PVT1: variants seen among roughly 807,000 people sequenced by gnomAD.
The protein encoded by PVT1 is Pvt1 oncogene.
intron 4 of PVT1, among the ~76,000 whole-genome samples, chr8:128,016,551 G>A (rs1817376327): frequency 1.3e-5 from 2 of 152,186 alleles, no homozygotes; most frequent in African/African-American, 4.8e-5. Flanking sequence ...AATGGCTAAT[G>A]CTTACAGCTG....
chr8:127,981,949 T>C (rs1041088433), intron 3 of PVT1, among the ~76,000 whole-genome samples: 1 of 152,230 alleles, frequency 6.6e-6, no homozygotes, highest in Non-Finnish European at 1.5e-5. Context: ...AAATCCTTTT[T>C]TCCTGGGACA....
At chr8:127,897,731 GGAAA>G (rs1191858934) in intron 3 of PVT1, among the ~76,000 whole-genome samples, 3 of 147,620 alleles carry the variant, frequency 2.0e-5, no homozygotes, top group Non-Finnish European at 3.0e-5. Flanking sequence ...GAAGAAAGAA[GGAAA>G]GAAAGATTCA....
chr8:127,907,576 C>T (rs533264943), intron 3 of PVT1, among the ~76,000 whole-genome samples: 4 of 152,224 alleles, frequency 2.6e-5, no homozygotes, highest in East Asian at 3.9e-4. Context: ...GGACAGGGAG[C>T]GGGCGGACAG....
chr8:127,851,404 G>A (rs1302992705), intron 2 of PVT1, among the ~76,000 whole-genome samples: 1 of 152,190 alleles, frequency 6.6e-6, no homozygotes, highest in Non-Finnish European at 1.5e-5. Flanking sequence ...TGACCTGGTT[G>A]TTTAACTCCT....
In PVT1 at chr8:128,066,744, G is replaced by T. The variant is rs568287773; in HGVS notation, n.913-3416G>T. The stretch of plus-strand genomic sequence containing the variant: ...CTTCCTACTTTAACTTTCATAAAAG[G>T]TTCTTACCAGGATCTTTTTCTAGTC... On this transcript the variant is annotated intron_variant and non_coding_transcript_variant, in intron 4 of 10. Coordinates refer to ENST00000651587, the Ensembl canonical transcript of PVT1. Among the ~76,000 whole-genome samples the T allele has an allele frequency of 2.6e-5, 4 of 152,246 alleles. No homozygotes were observed. In the East Asian group the frequency reaches 5.8e-4, roughly 22 times the overall value.
At chr8:127,878,644 G>A (rs1204007505) in intron 2 of PVT1, among the ~76,000 whole-genome samples, 1 of 152,044 alleles carries the variant, frequency 6.6e-6, no homozygotes, top group East Asian at 1.9e-4. Context: ...TACTGGTCTG[G>A]TCTGGTCTAG....
intron 2 of PVT1, among the ~76,000 whole-genome samples, chr8:127,856,044 G>A (rs987666705): frequency 1.3e-5 from 2 of 152,198 alleles, no homozygotes; most frequent in Non-Finnish European, 2.9e-5. Flanking sequence ...TATTTCTTGT[G>A]CCTACATCTT....
At chr8:127,961,840 T>G (rs1190455759) in intron 3 of PVT1, among the ~76,000 whole-genome samples, 1 of 152,240 alleles carries the variant, frequency 6.6e-6, no homozygotes, top group East Asian at 1.9e-4. Flanking sequence ...AGGCCCCCCC[T>G]GCCCGAGTCT....
chr8:127,982,944 G>A (rs1162696558), intron 3 of PVT1, among the ~76,000 whole-genome samples: 1 of 152,202 alleles, frequency 6.6e-6, no homozygotes, highest in Non-Finnish European at 1.5e-5. Context: ...TTGAGCACCT[G>A]TTGTGCACAG....
intron 3 of PVT1, among the ~76,000 whole-genome samples, chr8:127,905,686 A>C (rs1272558742): frequency 6.6e-6 from 1 of 151,960 alleles, no homozygotes; most frequent in African/African-American, 2.4e-5. Context: ...CATGACTTTC[A>C]CCTCATTTCA....
At chr8:127,966,206 G>A (rs1420167732) in intron 3 of PVT1, among the ~76,000 whole-genome samples, 6 of 152,194 alleles carry the variant, frequency 3.9e-5, no homozygotes, top group Admixed American at 2.6e-4. Context: ...TTTTGATCCT[G>A]CCACTGTATG....
chr8:127,834,831 A>T (rs1024039106), intron 2 of PVT1, among the ~76,000 whole-genome samples: 1 of 152,222 alleles, frequency 6.6e-6, no homozygotes, highest in Admixed American at 6.5e-5. Context: ...CAAATGAAAA[A>T]CAGAAAACAA....
At chr8:127,954,454 C>G (rs982849889) in intron 3 of PVT1, among the ~76,000 whole-genome samples, 10 of 152,116 alleles carry the variant, frequency 6.6e-5, no homozygotes, top group African/African-American at 2.4e-4. Flanking sequence ...ACCACCACCC[C>G]CAGCTAATTT....
intron 5 of PVT1, among the ~76,000 whole-genome samples, chr8:128,095,487 C>T (rs1275397381): frequency 2.6e-5 from 4 of 152,198 alleles, no homozygotes; most frequent in Non-Finnish European, 5.9e-5. Flanking sequence ...TAAGTGGTCA[C>T]ATTGCCATTG....
At chr8:127,918,098 T>TTCATCTCTGCTCTCAAAGCCCTGC (rs1244066578) in intron 3 of PVT1, among the ~76,000 whole-genome samples, 22 of 152,232 alleles carry the variant, frequency 1.4e-4, no homozygotes, top group African/African-American at 5.3e-4. Flanking sequence ...AGCGCTGCCT[T>TTCATCTCTGCTCTCAAAGCCCTGC]TCATCTCTGC....
At chr8:127,900,194 A>G (rs1471733756) in intron 3 of PVT1, among the ~76,000 whole-genome samples, 1 of 151,928 alleles carries the variant, frequency 6.6e-6, no homozygotes, top group Non-Finnish European at 1.5e-5. Flanking sequence ...GGCGCGTACC[A>G]CCACACCTGG....
chr8:127,944,521 C>T (rs1816396240), intron 3 of PVT1, among the ~76,000 whole-genome samples: 1 of 151,186 alleles, frequency 6.6e-6, no homozygotes, highest in South Asian at 2.1e-4. Context: ...AATGGGCCCT[C>T]CTTTATTTGA....
rs529342844 is a variant in PVT1, at chr8:127,805,885, CA to C, written n.372+9815del. Among the ~76,000 whole-genome samples, 769 of 152,134 alleles carry C rather than the reference CA, an allele frequency of 5.1e-3. 8 individuals are homozygous for C. The highest frequency in any genetic ancestry group is 0.018 in the African/African-American group (739 of 41,490). ...CTGAGGAATCAGGATTTGAGTGAGA[CA>C]CGAAGACTCAGTAGAAGTTAACCAG... On this transcript the variant is annotated intron_variant and non_coding_transcript_variant, in intron 2 of 10. Transcript: ENST00000651587.
In PVT1 at chr8:127,937,548, G is replaced by GACACACACACAC. The variant is rs35147410; in HGVS notation, n.782+46572_782+46583dup. On this transcript the variant is annotated intron_variant and non_coding_transcript_variant, in intron 3 of 10. Transcript: ENST00000651587. ...AGAAAATGCCCACCCTAGGGAAAAA[G>GACACACACACAC]ACACACACACACACACACACACACA... 3.5e-3 allele frequency among the ~76,000 whole-genome samples: 434 copies of GACACACACACAC among 122,686 alleles called. 4 individuals are homozygous for GACACACACACAC. The highest frequency in any genetic ancestry group is 0.014 in the African/African-American group (414 of 29,298). The allele number at this position is 122,686 out of a possible 152,430, so 80.5% of individuals were successfully genotyped here.
Sources: allele counts gnomAD v4.1 joint callset (sites outside exome capture counted in the v4.1 genomes callset), GRCh38; gene constraint gnomAD v4.1.1; transcripts MANE v1.5; gene names NCBI Gene and HGNC (gene_info 2026-07-23, HGNC 2026-07-21).